TMPRSS2: variants seen among roughly 807,000 people sequenced by gnomAD.
TMPRSS2 encodes the protein transmembrane protease serine 2.
A neutral mutation model predicts 67.4 loss-of-function variants in TMPRSS2; 59 were observed. The ratio of observed to expected loss-of-function variants is 0.88; its 90% CI spans 0.71 to 1.09. The LOEUF (loss-of-function observed/expected upper bound fraction) is 1.09, where lower values mean the gene tolerates loss of function less well. Ranked by LOEUF, TMPRSS2 falls within the 50% of genes least tolerant of loss-of-function variation. TMPRSS2 has a pLI of 0.00. For synonymous variants in TMPRSS2, 257 were observed against 257.0 expected, an observed-to-expected ratio of 1.00 and a Z score of 0.00; for missense variants, 668 against 642.7, an observed-to-expected ratio of 1.04 and a Z score of -0.43.
chr21:41,467,704 A>G (rs1283131822), intron 13 of TMPRSS2, 30 bp downstream of exon 13: 5 of 1,610,792 alleles, frequency 3.1e-6, no homozygotes, highest in Non-Finnish European at 4.2e-6. Flanking sequence ...GAATCGGAGA[A>G]CACAGTCAGA....
chr21:41,476,736 A>G, intron 7 of TMPRSS2, 116 bp from the exon 8 acceptor site: 2 of 933,170 alleles, frequency 2.1e-6, no homozygotes, highest in Non-Finnish European at 3.5e-6. Context: ...TGAGACATAG[A>G]AGGGTCTGCT....
chr21:41,483,607 TC>T (rs2091273836), intron 5 of TMPRSS2, among the ~76,000 whole-genome samples: 1 of 150,782 alleles, frequency 6.6e-6, no homozygotes, highest in South Asian at 2.1e-4. Flanking sequence ...AAAATACACT[TC>T]TATGATTAAA....
At chr21:41,502,579 A>C in intron 1 of TMPRSS2, 1 of 985,392 alleles carries the variant, frequency 1.0e-6, no homozygotes, top group Non-Finnish European at 1.2e-6. Context: ...TTTATGCCAA[A>C]ATAACCGCAC....
chr21:41,468,353 G>T (rs781378269), intron 12 of TMPRSS2, 43 bp downstream of exon 12: 1 of 1,609,004 alleles, frequency 6.2e-7, no homozygotes, highest in African/African-American at 1.3e-5. Context: ...GGGTTCAGTA[G>T]GATCTGGTAA....
At chr21:41,503,187 T>C (rs1359749944) in intron 1 of TMPRSS2, among the ~76,000 whole-genome samples, 1 of 152,176 alleles carries the variant, frequency 6.6e-6, no homozygotes, top group East Asian at 1.9e-4. Context: ...GGCGATAAGA[T>C]GCCCACACCC....
chr21:41,479,196 T>C lies in TMPRSS2; in HGVS notation c.659A>G (p.Asp220Gly), dbSNP rs758443572. ...CCTGTGGTACAGTTTTTTATAGATA[T>C]CGACATTGCCGGCACTTGTGTTCAG... is the stretch of plus-strand genomic sequence containing the variant. ...MKLNTSAGNV[D>G]IYKKLYHSDA... The change falls in exon 7 of 14, where the codon GAT becomes GGT. Residue 220 changes from aspartate to glycine, a missense_variant. Physicochemically the swap from Asp to Gly is moderately conservative, Grantham distance 94. Transcript: ENST00000332149. The C allele has an allele frequency of 1.9e-6, 3 of 1,613,906 alleles. No individual in the cohort carries two copies. The highest frequency in any genetic ancestry group is 1.1e-5 in the South Asian group (1 of 91,088).
At position 41,478,287 on chromosome 21, in the gene TMPRSS2, C is replaced by T. The variant is rs546165791; in HGVS notation, c.683+885G>A. Reference sequence around the variant, plus strand: ...TCCAGGAATGCAAACCTGCCCCAGGCTCCCACTCAGAGGAAAGGTGGCGCG... The same window carrying T: ...TCCAGGAATGCAAACCTGCCCCAGGTTCCCACTCAGAGGAAAGGTGGCGCG... On this transcript the variant is annotated intron_variant, in intron 7 of 13. Coordinates refer to ENST00000332149, the MANE Select transcript of TMPRSS2 (RefSeq NM_005656.4). The surrounding 1 kb of genome is among the most constrained non-coding windows in gnomAD (Gnocchi z 4.0). Among the ~76,000 whole-genome samples the T allele has an allele frequency of 4.3e-4, 66 of 152,298 alleles. No homozygotes were observed. The highest frequency in any genetic ancestry group is 4.2e-3 in the Admixed American group (65 of 15,300).
intron 5 of TMPRSS2, among the ~76,000 whole-genome samples, chr21:41,485,477 A>G (rs1418462718): frequency 6.6e-6 from 1 of 151,598 alleles, no homozygotes; most frequent in Non-Finnish European, 1.5e-5. Flanking sequence ...GATGAAACCC[A>G]TTTTCTACAA....
chr21:41,507,998 G>C lies in TMPRSS2; in HGVS notation c.-57+83C>G, dbSNP rs1299493587. ...CCGCTTTCACCTCCGGGCGGGGCAG[G>C]GGGCATCGGCGGGTCCCAGGCGCCC... is the stretch of plus-strand genomic sequence containing the variant. On this transcript the variant is annotated intron_variant, in intron 1 of 13. Transcript: ENST00000332149. 12 of 1,389,418 alleles carry C rather than the reference G, an allele frequency of 8.6e-6. No individual in the cohort carries two copies. The East Asian group carries it at 3.7e-4, about 43-fold the overall frequency. The allele number at this position is 1,389,418 out of a possible 1,614,324, so 86.1% of individuals were successfully genotyped here.
intron 1 of TMPRSS2, among the ~76,000 whole-genome samples, chr21:41,501,704 T>C (rs2091425864): frequency 6.6e-6 from 1 of 151,052 alleles, no homozygotes; most frequent in African/African-American, 2.4e-5. Context: ...TGACATTAGA[T>C]CTGCAAGGGG....
chr21:41,488,750 G>A (rs2091315365), intron 4 of TMPRSS2, among the ~76,000 whole-genome samples: 1 of 152,176 alleles, frequency 6.6e-6, no homozygotes, highest in Non-Finnish European at 1.5e-5. Flanking sequence ...TGATCCTCCT[G>A]CCCCAGCCTC....
At chr21:41,500,692 G>T (rs2091418333) in intron 1 of TMPRSS2, among the ~76,000 whole-genome samples, 1 of 152,222 alleles carries the variant, frequency 6.6e-6, no homozygotes, top group Non-Finnish European at 1.5e-5. Context: ...TAAAACTAAA[G>T]TTCACACCTT....
intron 1 of TMPRSS2, among the ~76,000 whole-genome samples, chr21:41,500,056 C>T (rs553861191): frequency 6.6e-6 from 1 of 152,290 alleles, no homozygotes; most frequent in South Asian, 2.1e-4. Context: ...AAAGCAGGTG[C>T]TCAAACAGCA....
intron 1 of TMPRSS2, among the ~76,000 whole-genome samples, chr21:41,507,454 C>T (rs1051245153): frequency 6.6e-6 from 1 of 152,186 alleles, no homozygotes; most frequent in African/African-American, 2.4e-5. Context: ...CAGTCCCTCC[C>T]CGAGACTGAC....
intron 1 of TMPRSS2, chr21:41,502,294 C>T (rs1201973386): frequency 1.1e-5 from 9 of 796,548 alleles, no homozygotes; most frequent in South Asian, 5.7e-5. Context: ...ACCAAGCCAA[C>T]GCGAATGAAG....
At chr21:41,466,702 C>T (rs115975538) in intron 13 of TMPRSS2, among the ~76,000 whole-genome samples, 9 of 152,182 alleles carry the variant, frequency 5.9e-5, no homozygotes, top group Admixed American at 3.3e-4. Flanking sequence ...CGGGCCTCAG[C>T]GGGAAAGGCC....
intron 1 of TMPRSS2, among the ~76,000 whole-genome samples, chr21:41,498,995 G>A (rs1407216927): frequency 6.6e-6 from 1 of 151,636 alleles, no homozygotes; most frequent in Non-Finnish European, 1.5e-5. Context: ...ACTGCCAGTA[G>A]CCACCCACTG....
chr21:41,476,827 C>T (rs543344542), intron 7 of TMPRSS2, among the ~76,000 whole-genome samples: 2 of 152,338 alleles, frequency 1.3e-5, no homozygotes, highest in South Asian at 4.1e-4. Flanking sequence ...ACGCGGCTCA[C>T]ATCCCCACAG....
intron 1 of TMPRSS2, among the ~76,000 whole-genome samples, chr21:41,502,133 T>TGCCTG (rs1341752505): frequency 6.6e-6 from 1 of 152,232 alleles, no homozygotes; most frequent in Non-Finnish European, 1.5e-5. Flanking sequence ...ATGAGTCACC[T>TGCCTG]GCCTGGCCAC....
Sources: gnomAD v4.1 joint callset for allele counts (sites outside exome capture counted in the v4.1 genomes callset) on GRCh38, gnomAD v4.1.1 for gene constraint, Gnocchi (gnomAD v3.1) non-coding constraint, MANE v1.5 for transcripts, NCBI Gene and HGNC (gene_info 2026-07-23, HGNC 2026-07-21) for gene names.